Variants in OIP5 observed in about 807,000 individuals in gnomAD.
OIP5 encodes the protein protein Mis18-beta.
In OIP5, 24 loss-of-function variants were observed where a neutral mutation model predicts 20.3. The observed-to-expected ratio is 1.18, with a 90% CI of 0.86 to 1.66. The LOEUF is 1.66. Ranked by LOEUF, OIP5 falls within the 40% of genes most tolerant of loss-of-function variation. The pLI is 0.00. For missense variants in OIP5, 339 were observed against 289.5 expected (o/e 1.17, Z -1.24); for synonymous variants, 143 against 121.3 (o/e 1.18, Z -1.17).
chr15:41,330,490 G>A (rs1221112541), intron 2 of OIP5, among the ~76,000 whole-genome samples: 1 of 146,426 alleles, frequency 6.8e-6, no homozygotes, highest in Admixed American at 7.0e-5. Context: ...TGCAAGCTCC[G>A]CCTCCCGGGT....
At chr15:41,314,216 C>A (rs867659627) in intron 3 of OIP5, among the ~76,000 whole-genome samples, 2 of 152,078 alleles carry the variant, frequency 1.3e-5, no homozygotes, top group South Asian at 2.1e-4. Flanking sequence ...ATTCTCCTGC[C>A]GCAGCCTCCC....
At chr15:41,316,538 C>CCAG (rs1201272451) in intron 3 of OIP5, among the ~76,000 whole-genome samples, 4 of 151,898 alleles carry the variant, frequency 2.6e-5, no homozygotes, top group Non-Finnish European at 5.9e-5. Context: ...GCCTGTAATC[C>CCAG]CAGCACCTTA....
chr15:41,330,863 A>G (rs1000065734), intron 2 of OIP5, among the ~76,000 whole-genome samples: 4 of 152,174 alleles, frequency 2.6e-5, no homozygotes, highest in Non-Finnish European at 4.4e-5. Flanking sequence ...TAGATTCATT[A>G]GCCTCCTCTC....
In OIP5 at chr15:41,309,625, T is replaced by C. The variant is rs1199630123; in HGVS notation, c.*129A>G. 2 of 582,498 alleles carry C rather than the reference T, an allele frequency of 3.4e-6. No individual in the cohort carries two copies. The highest frequency in any genetic ancestry group is 6.0e-6 in the Non-Finnish European group (2 of 332,256). 36.1% of individuals were successfully genotyped at this position (582,498 alleles called of 1,614,324 possible). A position where few individuals can be genotyped will look rare whatever the true frequency, so the allele number is the denominator to read the frequency against. ...TCACAAATAATTTGGAAAATCAGCC[T>C]AAAGGTAAATAGAAACTGCATTTCC... On this transcript the variant is annotated 3_prime_UTR_variant, in exon 5 of 5. Transcript: ENST00000220514.
chr15:41,309,647 T>G lies in OIP5; in HGVS notation c.*107A>C, dbSNP rs2047741386. ...GCCTAAAGGTAAATAGAAACTGCAT[T>G]TCCCCTCCATTCTTGAAGCCAATCT... On this transcript the variant is annotated 3_prime_UTR_variant, in exon 5 of 5. Transcript: ENST00000220514. 1.4e-6 allele frequency: 1 copy of G among 693,690 alleles called. No homozygotes were observed. The highest frequency in any genetic ancestry group is 2.7e-5 in the East Asian group (1 of 36,692). 43.0% of individuals were successfully genotyped at this position (693,690 alleles called of 1,614,324 possible). A position where few individuals can be genotyped will look rare whatever the true frequency, so the allele number is the denominator to read the frequency against.
In OIP5 at chr15:41,329,488, G is replaced by A. The variant is rs1235523918; in HGVS notation, c.389+2427C>T. 2.6e-5 allele frequency among the ~76,000 whole-genome samples: 4 copies of A among 151,510 alleles called. No individual in the cohort carries two copies. The South Asian group carries it at 8.4e-4, about 32-fold the overall frequency. On this transcript the variant is annotated intron_variant, in intron 2 of 4. Coordinates refer to ENST00000220514, the MANE Select transcript of OIP5 (RefSeq NM_007280.2). ...TTGCCACCTCGCCCCCCTAATTTTT[G>A]TACTTTTAGTAGAGACGTGGTTTCA... is the stretch of plus-strand genomic sequence containing the variant.
rs57186186 is a variant in OIP5, at chr15:41,329,709, C to CT, written c.389+2205dup. On this transcript the variant is annotated intron_variant, in intron 2 of 4. Transcript: ENST00000220514. ...AATTTTAAATTTTCTATTCATTTTGCTTTTTTTTTTGAGGAAGAGTCTCGC... is the reference window on the plus strand; with the variant it reads ...AATTTTAAATTTTCTATTCATTTTGCTTTTTTTTTTTGAGGAAGAGTCTCGC... Among the ~76,000 whole-genome samples, 219 of 146,844 alleles carry CT rather than the reference C, an allele frequency of 1.5e-3. 2 individuals carry two copies. In the East Asian group the frequency reaches 0.02, roughly 13 times the overall value.
intron 4 of OIP5, among the ~76,000 whole-genome samples, chr15:41,312,253 G>A (rs1170843966): frequency 6.7e-6 from 1 of 148,826 alleles, no homozygotes; most frequent in Non-Finnish European, 1.5e-5. Context: ...CCTCTATCTC[G>A]CAGGTTCAAG....
intron 3 of OIP5, among the ~76,000 whole-genome samples, chr15:41,318,041 A>G (rs1418184727): frequency 1.3e-5 from 2 of 152,190 alleles, no homozygotes. Context: ...ATCACACATG[A>G]TACAAATATA....
intron 3 of OIP5, among the ~76,000 whole-genome samples, chr15:41,318,136 C>T (rs932119888): frequency 2.6e-5 from 4 of 152,084 alleles, no homozygotes; most frequent in African/African-American, 4.8e-5. Context: ...AAAAGCTTGC[C>T]TTCTAGAATG....
intron 4 of OIP5, 132 bp from the exon 5 acceptor site, chr15:41,309,981 T>C (rs1454209245): frequency 3.5e-6 from 2 of 569,914 alleles, no homozygotes; most frequent in Non-Finnish European, 6.1e-6. Context: ...CTCAAGCTCC[T>C]GCTCTCAAGT....
At chr15:41,319,621 A>G (rs370326141) in intron 3 of OIP5, 37 bp downstream of exon 3, 1 of 1,564,994 alleles carries the variant, frequency 6.4e-7, no homozygotes, top group African/African-American at 1.4e-5. Flanking sequence ...TAAATAAAAT[A>G]AAATGTATTT....
Position 41,332,421 on chromosome 15 carries a change from G to C in OIP5, c.141C>G (p.Ser47=), listed in dbSNP as rs747495158. The change falls in exon 1 of 5, where the codon TCC becomes TCG. Residue 47 remains serine, a synonymous_variant. Transcript: ENST00000220514. The part of the protein sequence containing the change: ...MEWDTQVVKG[S]SPLGPAGLGA... ...CCAGCCCTGCGGGGCCGAGCGGCGA[G>C]GACCCCTTCACCACCTGCGTATCCC... 6.2e-7 allele frequency: 1 copy of C among 1,613,902 alleles called. No homozygotes were observed. Among genetic ancestry groups the C allele is most frequent in the Non-Finnish European group, 8.5e-7 (1 of 1,179,928 alleles).
chr15:41,319,142 C>G (rs1226203946), intron 3 of OIP5, among the ~76,000 whole-genome samples: 3 of 151,254 alleles, frequency 2.0e-5, no homozygotes, highest in Admixed American at 6.6e-5. Flanking sequence ...GCAATCTCAG[C>G]TCACTGTGCA....
intron 2 of OIP5, among the ~76,000 whole-genome samples, chr15:41,329,741 G>C (rs1251006396): frequency 6.6e-6 from 1 of 150,756 alleles, no homozygotes. Flanking sequence ...TCGCTCTGTT[G>C]CCCAGGCTGG....
chr15:41,323,245 T>C (rs1189170876), intron 2 of OIP5, among the ~76,000 whole-genome samples: 1 of 151,966 alleles, frequency 6.6e-6, no homozygotes, highest in East Asian at 1.9e-4. Context: ...AATCCCAGCA[T>C]TTTGGGAGGC....
chr15:41,318,007 G>A (rs1024183313), intron 3 of OIP5, among the ~76,000 whole-genome samples: 5 of 151,958 alleles, frequency 3.3e-5, no homozygotes, highest in Non-Finnish European at 7.4e-5. Flanking sequence ...CAGTACCTGG[G>A]AGTGGGAATC....
chr15:41,314,250 C>T (rs1239687989), intron 3 of OIP5, among the ~76,000 whole-genome samples: 4 of 152,046 alleles, frequency 2.6e-5, no homozygotes, highest in South Asian at 4.1e-4. Context: ...TACAGGCTTG[C>T]GCCACCACGC....
At position 41,332,262 on chromosome 15, in the gene OIP5, G is replaced by T; in HGVS notation, c.300C>A (p.Ser100=). The change falls in exon 1 of 5, where the codon TCC becomes TCA. Residue 100 remains serine (S), a synonymous_variant. Coordinates refer to ENST00000220514, the MANE Select transcript of OIP5 (RefSeq NM_007280.2). ...CACTGGAGAAGACCACGGCCCCGAG[G>T]GACCGCGACAGGTCCCAGGCGAGGT... The part of the protein sequence containing the change: ...SVHLAWDLSR[S]LGAVVFSRVT... 1.3e-6 allele frequency: 2 copies of T among 1,551,784 alleles called. No homozygotes were observed. The highest frequency in any genetic ancestry group is 1.2e-5 in the South Asian group (1 of 81,350).
Sources: allele counts gnomAD v4.1 joint callset (sites outside exome capture counted in the v4.1 genomes callset), GRCh38; gene constraint gnomAD v4.1.1; transcripts MANE v1.5; gene names NCBI Gene and HGNC (gene_info 2026-07-23, HGNC 2026-07-21).